DCT: variants seen among roughly 807,000 people sequenced by gnomAD.
The protein encoded by DCT is dopachrome tautomerase.
A neutral mutation model predicts 53.0 loss-of-function variants in DCT; 47 were observed. The ratio of observed to expected loss-of-function variants is 0.89; its 90% CI spans 0.70 to 1.13. The LOEUF (loss-of-function observed/expected upper bound fraction) is 1.13. DCT is among the 50% of genes most tolerant of loss of function. The pLI, the probability that DCT is intolerant of heterozygous loss-of-function variation, is 0.00. For missense variants in DCT, 669 were observed against 637.4 expected (o/e 1.05, Z -0.53); for synonymous variants, 244 against 237.0 (o/e 1.03, Z -0.27).
At chr13:94,442,651 C>T (rs535434230) in intron 7 of DCT, among the ~76,000 whole-genome samples, 1 of 152,286 alleles carries the variant, frequency 6.6e-6, no homozygotes, top group African/African-American at 2.4e-5. Flanking sequence ...AATAAGAAAT[C>T]TACAATCTTA....
At chr13:94,509,418 A>C in the DCT span, among the ~76,000 whole-genome samples, 6 of 143,688 alleles carry the variant, frequency 4.2e-5, no homozygotes, top group East Asian at 4.1e-4. Flanking sequence ...CCACACCATC[A>C]CCCCCTCCCC....
the DCT span, among the ~76,000 whole-genome samples, chr13:94,516,183 T>C: frequency 1.3e-5 from 2 of 151,772 alleles, no homozygotes; most frequent in Non-Finnish European, 1.5e-5. Context: ...GGCATATGGA[T>C]TGAGTGTGCC....
intron 6 of DCT, among the ~76,000 whole-genome samples, chr13:94,454,121 T>C (rs1883266300): frequency 6.6e-6 from 1 of 152,218 alleles, no homozygotes; most frequent in South Asian, 2.1e-4. Flanking sequence ...CTGCACATTT[T>C]CTAAATTAAT....
chr13:94,448,902 T>G (rs1882901559), intron 6 of DCT, among the ~76,000 whole-genome samples: 1 of 149,462 alleles, frequency 6.7e-6, no homozygotes, highest in Admixed American at 6.6e-5. Context: ...AGACTCCATC[T>G]CAAAAAAAAA....
intron 6 of DCT, among the ~76,000 whole-genome samples, chr13:94,459,144 G>A (rs1883611341): frequency 6.6e-6 from 1 of 152,142 alleles, no homozygotes; most frequent in African/African-American, 2.4e-5. Context: ...CTCCCAAAGT[G>A]CTGAGATTAC....
chr13:94,443,135 A>G (rs183194232), intron 7 of DCT, among the ~76,000 whole-genome samples: 79 of 152,306 alleles, frequency 5.2e-4, no homozygotes, highest in African/African-American at 1.8e-3. Flanking sequence ...TATTAATCCA[A>G]TAAACTCAGA....
the DCT span, among the ~76,000 whole-genome samples, chr13:94,522,194 G>A: frequency 2.2e-4 from 34 of 152,320 alleles, no homozygotes; most frequent in African/African-American, 8.2e-4. Context: ...GTTGCCAAAG[G>A]AGATTAACAT....
chr13:94,507,792 G>A, the DCT span, among the ~76,000 whole-genome samples: 11 of 152,130 alleles, frequency 7.2e-5, no homozygotes, highest in South Asian at 2.1e-4. Flanking sequence ...GAGCCACCGC[G>A]CCCCGCCGTA....
the DCT span, among the ~76,000 whole-genome samples, chr13:94,513,987 CAAAA>C: frequency 3.2e-4 from 17 of 53,192 alleles, no homozygotes; most frequent in South Asian, 3.1e-3. Context: ...AACTCTGTCT[CAAAA>C]AAAAAAAAAA....
At chr13:94,540,256 T>C in the DCT span, among the ~76,000 whole-genome samples, 1 of 152,230 alleles carries the variant, frequency 6.6e-6, no homozygotes, top group Non-Finnish European at 1.5e-5. Flanking sequence ...GTGGAATAGA[T>C]GCTCTGCTCT....
At chr13:94,478,180 G>T (rs964970681) in intron 1 of DCT, among the ~76,000 whole-genome samples, 2 of 45,244 alleles carry the variant, frequency 4.4e-5, no homozygotes, top group African/African-American at 1.0e-4. Context: ...CCAGCTCCTC[G>T]AGAAAGCTCT....
chr13:94,447,464 C>T (rs377580825), intron 6 of DCT, among the ~76,000 whole-genome samples: 9 of 152,222 alleles, frequency 5.9e-5, no homozygotes, highest in African/African-American at 2.2e-4. Context: ...CAATTGCTTA[C>T]CATCCACCTG....
At chr13:94,511,248 T>A in the DCT span, among the ~76,000 whole-genome samples, 1 of 152,152 alleles carries the variant, frequency 6.6e-6, no homozygotes, top group African/African-American at 2.4e-5. Flanking sequence ...ATTGAACTGC[T>A]GATTCCTCCA....
At chr13:94,475,189 C>T (rs956232805) in intron 1 of DCT, among the ~76,000 whole-genome samples, 3 of 152,138 alleles carry the variant, frequency 2.0e-5, no homozygotes, top group African/African-American at 4.8e-5. Context: ...ACACACGGCT[C>T]ATCACAGAAT....
chr13:94,464,568 A>C (rs535528475), intron 4 of DCT, among the ~76,000 whole-genome samples: 6 of 152,184 alleles, frequency 3.9e-5, no homozygotes, highest in African/African-American at 1.4e-4. Context: ...TGAACCAGGG[A>C]GTCGGAGGTT....
chr13:94,517,228 T>C, the DCT span, among the ~76,000 whole-genome samples: 15 of 152,198 alleles, frequency 9.9e-5, no homozygotes, highest in Admixed American at 1.3e-4. Context: ...TAACATCTAA[T>C]CACTTTTACT....
At chr13:94,468,725 T>C in intron 2 of DCT, 21 bp downstream of exon 2, 1 of 1,605,348 alleles carries the variant, frequency 6.2e-7, no homozygotes, top group South Asian at 1.1e-5. Flanking sequence ...TAATATACCT[T>C]CAGCCAAGGA....
the DCT span, among the ~76,000 whole-genome samples, chr13:94,524,879 C>T: frequency 6.6e-6 from 1 of 151,958 alleles, no homozygotes; most frequent in Admixed American, 6.6e-5. Flanking sequence ...TGATCCGTAC[C>T]CATTATATTA....
the DCT span, among the ~76,000 whole-genome samples, chr13:94,505,966 C>G: frequency 6.6e-6 from 1 of 152,178 alleles, no homozygotes; most frequent in South Asian, 2.1e-4. Flanking sequence ...GCCCAGCTGA[C>G]TTGACTGAAG....
Sources: allele counts gnomAD v4.1 joint callset (sites outside exome capture counted in the v4.1 genomes callset), GRCh38; gene constraint gnomAD v4.1.1; transcripts MANE v1.5; gene names NCBI Gene and HGNC (gene_info 2026-07-23, HGNC 2026-07-21).